The following MLLT3 variants were observed in gnomAD, a reference collection of about 807,000 sequenced individuals.
MLLT3 encodes the protein MLLT3 super elongation complex subunit, also known as protein AF-9.
In MLLT3, 4 loss-of-function variants were observed where a neutral mutation model predicts 53.2. That is an observed-to-expected ratio of 0.08 (90% CI 0.04 to 0.17). The LOEUF is 0.17. Ranked by LOEUF, MLLT3 falls within the 10% of genes least tolerant of loss-of-function variation. The pLI, the probability that MLLT3 is intolerant of heterozygous loss-of-function variation, is 1.00. For missense variants in MLLT3, 569 were observed against 684.0 expected (o/e 0.83, Z 1.87); for synonymous variants, 283 against 230.6 (o/e 1.23, Z -2.06).
chr9:20,444,126 A>T (rs1185454521), intron 4 of MLLT3, among the ~76,000 whole-genome samples: 1 of 152,188 alleles, frequency 6.6e-6, no homozygotes, highest in Non-Finnish European at 1.5e-5. Context: ...CTCTTCTGCA[A>T]TGTTTTCAGT....
rs185623219 is a variant in MLLT3, at chr9:20,513,323, G to A, written c.194-56537C>T. On this transcript the variant is annotated intron_variant, in intron 2 of 10. Coordinates refer to ENST00000380338, the MANE Select transcript of MLLT3 (RefSeq NM_004529.4). Reference sequence around the variant, plus strand: ...GAGCTCTGACTAAGAGGAAAATTAGGTCTGGGTCTGTCAGTCCGATGAGAC... The same window carrying A: ...GAGCTCTGACTAAGAGGAAAATTAGATCTGGGTCTGTCAGTCCGATGAGAC... Among the ~76,000 whole-genome samples, 1,158 of 152,258 alleles carry A rather than the reference G, an allele frequency of 7.6e-3. 8 individuals carry two copies. The highest frequency in any genetic ancestry group is 0.01 in the Non-Finnish European group (711 of 68,040).
chr9:20,396,738 T>G (rs1026305729), intron 5 of MLLT3, among the ~76,000 whole-genome samples: 3 of 151,930 alleles, frequency 2.0e-5, no homozygotes, highest in African/African-American at 7.3e-5. Flanking sequence ...TAGAAAGAAA[T>G]GCATGCAGGA....
intron 5 of MLLT3, among the ~76,000 whole-genome samples, chr9:20,385,399 T>C (rs906083603): frequency 4.6e-5 from 7 of 152,166 alleles, no homozygotes; most frequent in Non-Finnish European, 1.0e-4. Flanking sequence ...TTCCATGATA[T>C]TTTGAATCTC....
In MLLT3 at chr9:20,360,835, G is replaced by T; in HGVS notation, c.1338C>A (p.Ser446Arg). 1 of 1,613,630 alleles carries T rather than the reference G, an allele frequency of 6.2e-7. No homozygotes were observed. ...NRGGSRSRRVSLSDGSDSESS... is the reference protein window; with the variant it reads ...NRGGSRSRRVRLSDGSDSESS... Reference sequence around the variant, plus strand: ...TTTCACTATCGCTGCCATCACTTAAGCTAACTCTGAAAAGAAACAGACAAG... The same window carrying T: ...TTTCACTATCGCTGCCATCACTTAATCTAACTCTGAAAAGAAACAGACAAG... Residue 446 changes from serine (S) to arginine (R), a missense_variant, in exon 8 of 11, where the codon AGC (serine) becomes AGA (arginine). By Grantham distance (110) the Ser-to-Arg change is moderately radical. Transcript: ENST00000380338.
At chr9:20,431,713 A>G (rs1445026035) in intron 4 of MLLT3, among the ~76,000 whole-genome samples, 1 of 152,128 alleles carries the variant, frequency 6.6e-6, no homozygotes, top group Non-Finnish European at 1.5e-5. Flanking sequence ...TAATTGCAAA[A>G]CCAAATAAAA....
chr9:20,528,032 T>A (rs76246378), intron 2 of MLLT3, among the ~76,000 whole-genome samples: 3,262 of 152,370 alleles, frequency 0.021, 73 homozygotes, highest in South Asian at 0.11. Context: ...TCCCTAATTA[T>A]CTGTAACGTT....
At chr9:20,415,777 C>A (rs1822855641) in intron 4 of MLLT3, among the ~76,000 whole-genome samples, 1 of 151,878 alleles carries the variant, frequency 6.6e-6, no homozygotes, top group African/African-American at 2.4e-5. Context: ...AACAAAACAA[C>A]AAAAAATATA....
At chr9:20,465,635 T>G (rs1824220516) in intron 2 of MLLT3, among the ~76,000 whole-genome samples, 2 of 152,178 alleles carry the variant, frequency 1.3e-5, no homozygotes. Context: ...CAAAACGTGA[T>G]GGCTCAATAT....
intron 2 of MLLT3, among the ~76,000 whole-genome samples, chr9:20,519,290 C>T (rs951339222): frequency 1.3e-5 from 2 of 152,064 alleles, no homozygotes; most frequent in Non-Finnish European, 2.9e-5. Context: ...TTACAAAACC[C>T]TTAAAGACTT....
intron 2 of MLLT3, among the ~76,000 whole-genome samples, chr9:20,587,872 T>C (rs905612447): frequency 1.3e-5 from 2 of 152,172 alleles, no homozygotes; most frequent in African/African-American, 4.8e-5. Flanking sequence ...AATTTTGGCT[T>C]TTGTTGACAT....
chr9:20,495,757 G>C (rs1015212644), intron 2 of MLLT3, among the ~76,000 whole-genome samples: 1 of 152,118 alleles, frequency 6.6e-6, no homozygotes, highest in Admixed American at 6.6e-5. Flanking sequence ...GTTGCTCCAA[G>C]TTAAAAAATG....
intron 5 of MLLT3, among the ~76,000 whole-genome samples, chr9:20,381,129 CAAA>C (rs1266415061): frequency 6.6e-6 from 1 of 151,872 alleles, no homozygotes; most frequent in Admixed American, 6.6e-5. Flanking sequence ...AATGAAATCT[CAAA>C]AGAAAATGCT....
At chr9:20,445,257 C>T (rs1823665333) in intron 4 of MLLT3, among the ~76,000 whole-genome samples, 1 of 152,212 alleles carries the variant, frequency 6.6e-6, no homozygotes, top group South Asian at 2.1e-4. Context: ...TCTAAATGTG[C>T]CCTGCCCACA....
chr9:20,388,711 T>A (rs530927097), intron 5 of MLLT3, among the ~76,000 whole-genome samples: 1 of 152,180 alleles, frequency 6.6e-6, no homozygotes, highest in African/African-American at 2.4e-5. Context: ...AAAGATGGGA[T>A]CCTTCAAGAC....
In MLLT3 at chr9:20,448,078, GT is replaced by G; in HGVS notation, c.420+44del. On this transcript the variant is annotated intron_variant, in intron 4 of 10. Transcript: ENST00000380338. The surrounding 1 kb of genome is among the most constrained non-coding windows in gnomAD (Gnocchi z 4.0). ...TTTGTTTGTTTTTTTTTTTGTTGTT[GT>G]TGTTTTTTAATAGGAATGCTTTTCA... is the stretch of plus-strand genomic sequence containing the variant. The G allele has an allele frequency of 2.6e-6, 4 of 1,534,966 alleles. No individual in the cohort carries two copies. Among genetic ancestry groups the G allele is most frequent in the Non-Finnish European group, 3.5e-6 (4 of 1,137,996 alleles).
At chr9:20,591,755 C>CA (rs996526571) in intron 2 of MLLT3, among the ~76,000 whole-genome samples, 38 of 151,746 alleles carry the variant, frequency 2.5e-4, no homozygotes, top group Non-Finnish European at 4.1e-4. Context: ...GAATGTGTAT[C>CA]AAAAAAAAGT....
chr9:20,441,814 T>G (rs1823562068), intron 4 of MLLT3, among the ~76,000 whole-genome samples: 1 of 152,204 alleles, frequency 6.6e-6, no homozygotes, highest in African/African-American at 2.4e-5. Context: ...TGAGTCATTT[T>G]TAAAATAAGC....
Position 20,621,900 on chromosome 9 carries a change from A to C in MLLT3, c.12+345T>G. 1 of 1,344,534 alleles carries C rather than the reference A, an allele frequency of 7.4e-7. No homozygotes were observed. Among genetic ancestry groups the C allele is most frequent in the Non-Finnish European group, 9.5e-7 (1 of 1,056,890 alleles). The allele number at this position is 1,344,534 out of a possible 1,614,324, so 83.3% of individuals were successfully genotyped here. On this transcript the variant is annotated intron_variant, in intron 1 of 10. Coordinates refer to ENST00000380338, the MANE Select transcript of MLLT3 (RefSeq NM_004529.4). The surrounding 1 kb of genome is among the most constrained non-coding windows in gnomAD (Gnocchi z 7.0). ...GCTGAGTTATTATTCGCCTCCTTCC[A>C]CCGTGTGTGTGTGTGTGTGTGAGTG... is the stretch of plus-strand genomic sequence containing the variant.
chr9:20,586,045 C>A (rs1465629669), intron 2 of MLLT3, among the ~76,000 whole-genome samples: 3 of 152,094 alleles, frequency 2.0e-5, no homozygotes, highest in African/African-American at 4.8e-5. Context: ...AGGCCAGGAA[C>A]AATCACTCAC....
Sources: gnomAD v4.1 joint callset for allele counts (sites outside exome capture counted in the v4.1 genomes callset) on GRCh38, gnomAD v4.1.1 for gene constraint, Gnocchi (gnomAD v3.1) non-coding constraint, MANE v1.5 for transcripts, NCBI Gene and HGNC (gene_info 2026-07-23, HGNC 2026-07-21) for gene names.